RNLS: variants seen among roughly 807,000 people sequenced by gnomAD.
RNLS encodes the protein renalase, FAD dependent amine oxidase.
RNLS carries 39 observed loss-of-function variants against 39.8 expected under a neutral mutation model. That is an observed-to-expected ratio of 0.98 (90% CI 0.76 to 1.28). The LOEUF (loss-of-function observed/expected upper bound fraction) is 1.28. Among genes scored for constraint, RNLS ranks in the 50% most tolerant of loss-of-function variants. RNLS has a pLI of 0.00. For missense variants in RNLS, 410 were observed against 413.3 expected (o/e 0.99, Z 0.07); for synonymous variants, 147 against 150.7 (o/e 0.98, Z 0.18).
At chr10:88,487,334 T>C (rs1246445892) in intron 4 of RNLS, among the ~76,000 whole-genome samples, 1 of 151,380 alleles carries the variant, frequency 6.6e-6, no homozygotes, top group Non-Finnish European at 1.5e-5. Context: ...AAATAAAAGT[T>C]TAATAAAGTC....
chr10:88,494,195 G>C (rs925764536), intron 4 of RNLS, among the ~76,000 whole-genome samples: 1 of 152,134 alleles, frequency 6.6e-6, no homozygotes, highest in South Asian at 2.1e-4. Flanking sequence ...CTTCAGAGGA[G>C]AGAAAGTTCC....
At chr10:88,267,221 CT>C in the RNLS span, among the ~76,000 whole-genome samples, 1 of 152,190 alleles carries the variant, frequency 6.6e-6, no homozygotes, top group Admixed American at 6.5e-5. Context: ...ACTCTAGCAT[CT>C]TGTCAGATGT....
rs147893251 is a variant in RNLS, at chr10:88,441,325, C to T, written c.527-78600G>A. 1.9e-4 allele frequency among the ~76,000 whole-genome samples: 29 copies of T among 152,282 alleles called. No individual in the cohort carries two copies. In the East Asian group the frequency reaches 3.3e-3, roughly 17 times the overall value. On this transcript the variant is annotated intron_variant, in intron 4 of 6. Transcript: ENST00000331772. ...AGAGCAAGCCCTTCCTTCCCACCTA[C>T]GTATACACAAGTTGATGGTGATTCA...
chr10:88,487,999 T>C (rs1844638774), intron 4 of RNLS, among the ~76,000 whole-genome samples: 1 of 152,114 alleles, frequency 6.6e-6, no homozygotes, highest in African/African-American at 2.4e-5. Flanking sequence ...ATTCCATTTA[T>C]ATAAAATTCT....
chr10:88,263,253 G>A, the RNLS span, among the ~76,000 whole-genome samples: 1 of 152,248 alleles, frequency 6.6e-6, no homozygotes, highest in Non-Finnish European at 1.5e-5. Context: ...CAGGTAGGAT[G>A]TGATTCTGAC....
chr10:88,544,719 C>A (rs922799079), intron 4 of RNLS, among the ~76,000 whole-genome samples: 13 of 152,006 alleles, frequency 8.6e-5, no homozygotes, highest in African/African-American at 3.1e-4. Context: ...AATATGGGTA[C>A]CTGAATGGTA....
intron 4 of RNLS, among the ~76,000 whole-genome samples, chr10:88,554,538 A>G (rs1188940936): frequency 6.6e-6 from 1 of 151,946 alleles, no homozygotes; most frequent in African/African-American, 2.4e-5. Flanking sequence ...CCCTCTCTCT[A>G]CAAATCTTCA....
intron 5 of RNLS, among the ~76,000 whole-genome samples, chr10:88,327,047 C>A (rs558753043): frequency 1.3e-5 from 2 of 152,252 alleles, no homozygotes; most frequent in Admixed American, 6.5e-5. Context: ...ATGCCTATAC[C>A]CCCATTGTAT....
At position 88,551,128 on chromosome 10, in the gene RNLS, C is replaced by T. The variant is rs532838461; in HGVS notation, c.526+21775G>A. On this transcript the variant is annotated intron_variant, in intron 4 of 6. Transcript: ENST00000331772. The stretch of plus-strand genomic sequence containing the variant: ...CAGCTGTCCACCTCCTTAACTGCGC[C>T]GTCTCTTCTTCGTGCCTGATGTCCC... Among the ~76,000 whole-genome samples the T allele has an allele frequency of 1.6e-4, 25 of 152,270 alleles. 1 individual carries two copies. The highest frequency in any genetic ancestry group is 4.6e-4 in the African/African-American group (19 of 41,568).
At chr10:88,395,287 C>A in intron 4 of RNLS, among the ~76,000 whole-genome samples, 1 of 143,158 alleles carries the variant, frequency 7.0e-6, no homozygotes, top group Non-Finnish European at 1.5e-5. Flanking sequence ...ACTTACTAGA[C>A]AAAGATTTAA....
intron 4 of RNLS, among the ~76,000 whole-genome samples, chr10:88,508,799 G>T (rs1033363369): frequency 6.6e-6 from 1 of 151,674 alleles, no homozygotes; most frequent in East Asian, 1.9e-4. Context: ...GGAAAACTAC[G>T]CAAAAATTTA....
At chr10:88,559,284 GAAC>G (rs1386704695) in intron 4 of RNLS, among the ~76,000 whole-genome samples, 2 of 152,122 alleles carry the variant, frequency 1.3e-5, no homozygotes, top group African/African-American at 2.4e-5. Flanking sequence ...ACAGCCTTTA[GAAC>G]AACATTTCTC....
At chr10:88,492,421 CTT>C (rs35806120) in intron 4 of RNLS, among the ~76,000 whole-genome samples, 35 of 131,964 alleles carry the variant, frequency 2.7e-4, no homozygotes, top group East Asian at 6.4e-4. Context: ...TTTTCTTTTT[CTT>C]TTTTTTTTTT....
intron 4 of RNLS, among the ~76,000 whole-genome samples, chr10:88,543,717 G>A (rs1028380632): frequency 6.6e-6 from 1 of 152,118 alleles, no homozygotes; most frequent in African/African-American, 2.4e-5. Context: ...CATGCCAAAT[G>A]CAAAGATTCT....
intron 5 of RNLS, among the ~76,000 whole-genome samples, chr10:88,323,684 G>A (rs1008800555): frequency 4.9e-4 from 74 of 152,014 alleles, no homozygotes; most frequent in African/African-American, 1.5e-3. Flanking sequence ...TACTTTGGAC[G>A]TTGGCATATT....
Position 88,583,132 on chromosome 10 carries a change from A to AGCAGC in RNLS, c.54_58dup (p.Leu20ArgfsTer3). The AGCAGC allele has an allele frequency of 6.2e-7, 1 of 1,614,114 alleles. No individual in the cohort carries two copies. The highest frequency in any genetic ancestry group is 8.5e-7 in the Non-Finnish European group (1 of 1,179,958). On this transcript the variant is annotated frameshift_variant, in exon 1 of 7. Transcript: ENST00000331772. LOFTEE classifies it high-confidence loss of function. ...CAAGGGACCGGACGTCTGCCTCCTC[A>AGCAGC]GCAGCGCAGCGCACAAGCTTCCTGT...
chr10:88,218,007 T>A, the RNLS span, among the ~76,000 whole-genome samples: 1 of 151,968 alleles, frequency 6.6e-6, no homozygotes, highest in Non-Finnish European at 1.5e-5. Flanking sequence ...GCCATTGCAC[T>A]CCAGCCTGGG....
chr10:88,245,470 T>C, the RNLS span, among the ~76,000 whole-genome samples: 7 of 152,214 alleles, frequency 4.6e-5, no homozygotes, highest in East Asian at 1.9e-4. Context: ...GGCTTTATGA[T>C]GGCAGCCGCA....
chr10:88,264,296 T>A, the RNLS span, among the ~76,000 whole-genome samples: 1 of 152,320 alleles, frequency 6.6e-6, no homozygotes, highest in South Asian at 2.1e-4. Flanking sequence ...TGTGGAAGTA[T>A]CTTTTTCATA....
Sources: gnomAD v4.1 joint callset for allele counts (sites outside exome capture counted in the v4.1 genomes callset) on GRCh38, gnomAD v4.1.1 for gene constraint, MANE v1.5 for transcripts, NCBI Gene and HGNC (gene_info 2026-07-23, HGNC 2026-07-21) for gene names.